Variants in CNTN6 observed in about 807,000 individuals in gnomAD.
The protein encoded by CNTN6 is contactin-6.
CNTN6 carries 137 observed loss-of-function variants against 122.8 expected under a neutral mutation model. The observed-to-expected ratio is 1.12, with a 90% CI of 0.97 to 1.29. The LOEUF is 1.29. CNTN6 is among the 50% of genes most tolerant of loss of function. CNTN6 has a pLI of 0.00. For missense variants in CNTN6, 1,634 were observed against 1,223.4 expected (o/e 1.34, Z -5.01); for synonymous variants, 570 against 426.0 (o/e 1.34, Z -4.16).
At chr3:1,292,774 A>G (rs1432309878) in intron 5 of CNTN6, among the ~76,000 whole-genome samples, 2 of 152,204 alleles carry the variant, frequency 1.3e-5, no homozygotes, top group Non-Finnish European at 2.9e-5. Context: ...ATAGCAATTT[A>G]AAATTATAAT....
At position 1,355,270 on chromosome 3, in the gene CNTN6, T is replaced by C. The variant is rs566415912; in HGVS notation, c.1492+2819T>C. Among the ~76,000 whole-genome samples, 5 of 151,796 alleles carry C rather than the reference T, an allele frequency of 3.3e-5. 2 individuals carry two copies. In the South Asian group the frequency reaches 1.0e-3, roughly 31 times the overall value. On this transcript the variant is annotated intron_variant, in intron 12 of 22. Transcript: ENST00000446702. Reference sequence around the variant, plus strand: ...AAATAAAATAAACACAAAATGTGTGTACAGTATGAAGAAAAACAGCCTTAG... The same window carrying C: ...AAATAAAATAAACACAAAATGTGTGCACAGTATGAAGAAAAACAGCCTTAG...
intron 5 of CNTN6, among the ~76,000 whole-genome samples, chr3:1,289,042 G>A (rs114074861): frequency 0.012 from 1,880 of 152,264 alleles, 52 homozygotes; most frequent in African/African-American, 0.042. Flanking sequence ...CATCACAACC[G>A]TTAATAACCG....
At chr3:1,210,937 C>A (rs375500258) in intron 2 of CNTN6, among the ~76,000 whole-genome samples, 1 of 152,182 alleles carries the variant, frequency 6.6e-6, no homozygotes, top group Non-Finnish European at 1.5e-5. Context: ...ACTTTCTCAG[C>A]GACCCTCACA....
chr3:1,182,873 A>C (rs541753024), intron 2 of CNTN6, among the ~76,000 whole-genome samples: 1 of 152,224 alleles, frequency 6.6e-6, no homozygotes, highest in East Asian at 1.9e-4. Flanking sequence ...AAGTCATCCT[A>C]GAGAGGTCTA....
chr3:1,115,122 T>C (rs1026840489), intron 1 of CNTN6, among the ~76,000 whole-genome samples: 4 of 152,134 alleles, frequency 2.6e-5, no homozygotes, highest in African/African-American at 9.7e-5. Flanking sequence ...GATCCTTCTG[T>C]GTATAAGGTG....
At chr3:1,138,407 C>T (rs542376560) in intron 1 of CNTN6, among the ~76,000 whole-genome samples, 14 of 152,098 alleles carry the variant, frequency 9.2e-5, no homozygotes, top group Admixed American at 5.9e-4. Flanking sequence ...CACTCTACTC[C>T]TACCCAATAT....
chr3:1,385,010 T>G (rs571829388), intron 19 of CNTN6, among the ~76,000 whole-genome samples: 1 of 152,112 alleles, frequency 6.6e-6, no homozygotes, highest in East Asian at 1.9e-4. Context: ...TGTCAAATTC[T>G]TGTAGCATAT....
chr3:1,394,783 A>G (rs1036265164), intron 20 of CNTN6, among the ~76,000 whole-genome samples: 3 of 152,184 alleles, frequency 2.0e-5, no homozygotes, highest in South Asian at 4.1e-4. Flanking sequence ...TTGGACAGAA[A>G]TTCACATCAA....
intron 5 of CNTN6, among the ~76,000 whole-genome samples, chr3:1,291,333 A>C (rs1362453529): frequency 6.6e-6 from 1 of 152,216 alleles, no homozygotes; most frequent in African/African-American, 2.4e-5. Flanking sequence ...ACATGTAGGA[A>C]TAGATTGGCA....
At chr3:1,103,063 G>T (rs888114215) in intron 1 of CNTN6, among the ~76,000 whole-genome samples, 2 of 151,704 alleles carry the variant, frequency 1.3e-5, no homozygotes, top group East Asian at 3.9e-4. Context: ...CCAAGATGGC[G>T]CCACCGCACT....
chr3:1,330,339 C>T (rs1268230057), intron 11 of CNTN6, among the ~76,000 whole-genome samples: 1 of 151,832 alleles, frequency 6.6e-6, no homozygotes, highest in Non-Finnish European at 1.5e-5. Context: ...GTGTTCACCC[C>T]ATGACAAAAT....
At chr3:1,374,715 C>T (rs949492151) in intron 16 of CNTN6, among the ~76,000 whole-genome samples, 13 of 151,986 alleles carry the variant, frequency 8.6e-5, no homozygotes, top group Non-Finnish European at 1.6e-4. Context: ...TGTATATAGC[C>T]CACAAAGTTC....
intron 10 of CNTN6, among the ~76,000 whole-genome samples, chr3:1,328,422 G>C (rs1376344437): frequency 6.6e-6 from 1 of 151,702 alleles, no homozygotes; most frequent in African/African-American, 2.4e-5. Context: ...AAGACACAAA[G>C]TTTTATGAGC....
In CNTN6 at chr3:1,220,764, G is replaced by A. The variant is rs1182056203; in HGVS notation, c.133G>A (p.Glu45Lys). ...VIFPLDLSKS[E>K]VILNCAANGY... ...TTTTCCTTTGGATTTATCAAAATCTGAGGTCATCCTGAATTGTGCTGCTAA... is the reference window on the plus strand; with the variant it reads ...TTTTCCTTTGGATTTATCAAAATCTAAGGTCATCCTGAATTGTGCTGCTAA... The change falls in exon 3 of 23, where the codon GAG becomes AAG. Residue 45 changes from glutamate (E) to lysine (K), a missense_variant. By Grantham distance (56) the Glu-to-Lys change is moderately conservative (BLOSUM62 1). Coordinates refer to ENST00000446702, the MANE Select transcript of CNTN6 (RefSeq NM_001289080.2). 6.2e-7 allele frequency: 1 copy of A among 1,612,564 alleles called. No individual in the cohort carries two copies. Among genetic ancestry groups the A allele is most frequent in the Non-Finnish European group, 8.5e-7 (1 of 1,179,168 alleles).
chr3:1,273,639 T>C (rs1035712239), intron 4 of CNTN6, among the ~76,000 whole-genome samples: 1 of 152,236 alleles, frequency 6.6e-6, no homozygotes, highest in Non-Finnish European at 1.5e-5. Context: ...TGTGTGCTAT[T>C]AAACAGTTTT....
rs539516462 is a variant in CNTN6 at position 1,340,072 on chromosome 3, T to A, written c.1364+10137T>A. 3.0e-3 allele frequency among the ~76,000 whole-genome samples: 457 copies of A among 152,246 alleles called. 3 individuals carry two copies. Among genetic ancestry groups the A allele is most frequent in the African/African-American group, 0.01 (424 of 41,562 alleles). On this transcript the variant is annotated intron_variant, in intron 11 of 22. Transcript: ENST00000446702. ...TACCTATGAGAGGCATTTATTCATA[T>A]TTTTAGATGAGTAAAACTAAGGCTT...
chr3:1,195,872 A>T (rs1374542532), intron 2 of CNTN6, among the ~76,000 whole-genome samples: 1 of 152,090 alleles, frequency 6.6e-6, no homozygotes, highest in African/African-American at 2.4e-5. Flanking sequence ...CGAGACCTGT[A>T]CCAGATATCT....
chr3:1,109,906 T>C (rs2091401256), intron 1 of CNTN6, among the ~76,000 whole-genome samples: 2 of 152,130 alleles, frequency 1.3e-5, no homozygotes, highest in South Asian at 4.1e-4. Context: ...AGTCTTTAAT[T>C]ATTTTTACAT....
At chr3:1,391,936 C>G (rs1227262960) in intron 20 of CNTN6, among the ~76,000 whole-genome samples, 2 of 152,284 alleles carry the variant, frequency 1.3e-5, no homozygotes, top group South Asian at 4.1e-4. Flanking sequence ...ACATTCCATG[C>G]TCATGGGTAG....
Sources: gnomAD v4.1 joint callset for allele counts (sites outside exome capture counted in the v4.1 genomes callset) on GRCh38, gnomAD v4.1.1 for gene constraint, MANE v1.5 for transcripts, NCBI Gene and HGNC (gene_info 2026-07-23, HGNC 2026-07-21) for gene names.